KLF12: variants seen among roughly 807,000 people sequenced by gnomAD.
KLF12 encodes the protein KLF transcription factor 12.
A neutral mutation model predicts 37.8 loss-of-function variants in KLF12; 9 were observed. The ratio of observed to expected loss-of-function variants is 0.24; its 90% CI spans 0.14 to 0.42. The LOEUF (loss-of-function observed/expected upper bound fraction) is 0.42. KLF12 is among the 10% of genes least tolerant of loss of function. The pLI, the probability that KLF12 is intolerant of heterozygous loss-of-function variation, is 1.00. For missense variants in KLF12, 411 were observed against 516.0 expected (o/e 0.80, Z 1.97); for synonymous variants, 208 against 202.1 (o/e 1.03, Z -0.25).
chr13:74,078,784 C>T (rs1170669140), intron 1 of KLF12, among the ~76,000 whole-genome samples: 2 of 152,222 alleles, frequency 1.3e-5, no homozygotes, highest in African/African-American at 2.4e-5. Flanking sequence ...CATTTATAGC[C>T]TGGGAATTAT....
At chr13:73,849,024 T>C (rs895160048) in intron 3 of KLF12, among the ~76,000 whole-genome samples, 2 of 152,142 alleles carry the variant, frequency 1.3e-5, no homozygotes, top group Non-Finnish European at 2.9e-5. Flanking sequence ...GCAATGATTA[T>C]GGTGCAGGTA....
chr13:74,251,331 AT>A, the KLF12 span, among the ~76,000 whole-genome samples: 1 of 151,778 alleles, frequency 6.6e-6, no homozygotes, highest in South Asian at 2.1e-4. Context: ...CTTTTGGTAG[AT>A]AAAATATTTT....
the KLF12 span, among the ~76,000 whole-genome samples, chr13:74,251,072 C>G: frequency 6.6e-6 from 1 of 152,074 alleles, no homozygotes; most frequent in Non-Finnish European, 1.5e-5. Flanking sequence ...AGTTCTGAGT[C>G]TGGTGTCTGT....
At chr13:74,299,547 A>G in the KLF12 span, among the ~76,000 whole-genome samples, 1 of 152,172 alleles carries the variant, frequency 6.6e-6, no homozygotes, top group Non-Finnish European at 1.5e-5. Context: ...TAGGTTACAC[A>G]GCAATGATCA....
chr13:73,911,793 T>C (rs1888579900), intron 3 of KLF12, among the ~76,000 whole-genome samples: 3 of 152,354 alleles, frequency 2.0e-5, no homozygotes, highest in Non-Finnish European at 2.9e-5. Context: ...TACTGAATTA[T>C]GGAAATGGAT....
At chr13:73,853,457 A>G (rs1159507132) in intron 3 of KLF12, among the ~76,000 whole-genome samples, 1 of 152,140 alleles carries the variant, frequency 6.6e-6, no homozygotes, top group Non-Finnish European at 1.5e-5. Flanking sequence ...AAAATTGGTA[A>G]GCAGGACAGG....
chr13:74,031,554 A>G (rs1369126899), intron 1 of KLF12, among the ~76,000 whole-genome samples: 2 of 152,156 alleles, frequency 1.3e-5, no homozygotes, highest in Non-Finnish European at 2.9e-5. Flanking sequence ...AAAAGATGTG[A>G]TTTAAATCAT....
chr13:73,793,265 C>T (rs1881788300), intron 5 of KLF12, among the ~76,000 whole-genome samples: 1 of 152,060 alleles, frequency 6.6e-6, no homozygotes, highest in South Asian at 2.1e-4. Context: ...GCGGTCTGCC[C>T]CCAAATAAGA....
chr13:74,231,219 CTG>C, the KLF12 span, among the ~76,000 whole-genome samples: 23,816 of 151,002 alleles, frequency 0.16, 2,630 homozygotes, highest in African/African-American at 0.32. Context: ...TTTTTTCCCT[CTG>C]TATCTCCAGG....
the KLF12 span, among the ~76,000 whole-genome samples, chr13:74,303,777 C>T: frequency 2.8e-3 from 432 of 152,166 alleles, 1 homozygote; most frequent in African/African-American, 9.7e-3. Context: ...TTCAGAAATG[C>T]TGGAATTGGA....
intron 1 of KLF12, among the ~76,000 whole-genome samples, chr13:74,100,572 A>G (rs773085173): frequency 6.6e-6 from 1 of 152,148 alleles, no homozygotes; most frequent in Non-Finnish European, 1.5e-5. Flanking sequence ...AGCCAAGATC[A>G]TGCCACTGCA....
At chr13:73,992,264 G>A (rs751499770) in intron 2 of KLF12, among the ~76,000 whole-genome samples, 4 of 152,190 alleles carry the variant, frequency 2.6e-5, no homozygotes, top group Non-Finnish European at 5.9e-5. Flanking sequence ...GCTGAAATAC[G>A]CTGAAGTGTG....
chr13:74,183,235 T>C, the KLF12 span, among the ~76,000 whole-genome samples: 1 of 152,166 alleles, frequency 6.6e-6, no homozygotes, highest in South Asian at 2.1e-4. Context: ...AGAAAGTTTG[T>C]ACTCTACAAG....
At chr13:74,288,039 C>G in the KLF12 span, among the ~76,000 whole-genome samples, 1 of 145,260 alleles carries the variant, frequency 6.9e-6, no homozygotes, top group Non-Finnish European at 1.5e-5. Context: ...GGCAACTGTT[C>G]TGCTTTCAGC....
chr13:74,288,982 G>A, the KLF12 span: 32 of 152,168 alleles, frequency 2.1e-4, 1 homozygote, highest in African/African-American at 6.5e-4. Flanking sequence ...CGTAGTAGCC[G>A]AACCATCCTC....
chr13:74,013,384 C>CA (rs1272585894), intron 1 of KLF12, among the ~76,000 whole-genome samples: 1 of 152,180 alleles, frequency 6.6e-6, no homozygotes, highest in Non-Finnish European at 1.5e-5. Context: ...GTGGCAGGGA[C>CA]AAGAAATGCA....
the KLF12 span, among the ~76,000 whole-genome samples, chr13:74,245,759 C>T: frequency 6.6e-6 from 1 of 152,120 alleles, no homozygotes; most frequent in Non-Finnish European, 1.5e-5. Flanking sequence ...TCACCTAATA[C>T]AGTTTTTCAA....
intron 3 of KLF12, among the ~76,000 whole-genome samples, chr13:73,909,866 C>T (rs1410535910): frequency 1.3e-5 from 2 of 152,172 alleles, no homozygotes; most frequent in African/African-American, 4.8e-5. Flanking sequence ...TCTTGATCTA[C>T]TATTCCAAGA....
At chr13:73,952,136 G>T (rs1172559737) in intron 2 of KLF12, among the ~76,000 whole-genome samples, 1 of 152,168 alleles carries the variant, frequency 6.6e-6, no homozygotes, top group African/African-American at 2.4e-5. Flanking sequence ...GAAGTAACTA[G>T]AGAAAAGACC....
Sources: gnomAD v4.1 joint callset for allele counts (sites outside exome capture counted in the v4.1 genomes callset) on GRCh38, gnomAD v4.1.1 for gene constraint, MANE v1.5 for transcripts, NCBI Gene and HGNC (gene_info 2026-07-23, HGNC 2026-07-21) for gene names.